DSCAM: variants seen among roughly 807,000 people sequenced by gnomAD.
DSCAM encodes the protein cell adhesion molecule DSCAM.
Under a neutral mutation model 217.7 loss-of-function variants are expected in DSCAM, and 47 were observed. The observed-to-expected ratio is 0.22, with a 90% CI of 0.17 to 0.28. The LOEUF (loss-of-function observed/expected upper bound fraction) is 0.28. DSCAM is among the 10% of genes least tolerant of loss of function. DSCAM has a pLI of 1.00. For missense variants in DSCAM, 2,080 were observed against 2,618.3 expected (o/e 0.79, Z 4.49); for synonymous variants, 1,056 against 1,015.3 (o/e 1.04, Z -0.76).
intron 3 of DSCAM, among the ~76,000 whole-genome samples, chr21:40,680,347 T>C (rs946328511): frequency 2.6e-5 from 4 of 152,128 alleles, no homozygotes; most frequent in Non-Finnish European, 5.9e-5. Flanking sequence ...GGCCTGAAAC[T>C]GCAGTTATGG....
At chr21:40,058,707 C>G (rs1055578594) in intron 28 of DSCAM, among the ~76,000 whole-genome samples, 2 of 152,174 alleles carry the variant, frequency 1.3e-5, no homozygotes, top group Non-Finnish European at 2.9e-5. Context: ...TCACTTTTGA[C>G]AATCTATTGT....
At chr21:40,485,147 A>T (rs1206102882) in intron 3 of DSCAM, among the ~76,000 whole-genome samples, 1 of 151,946 alleles carries the variant, frequency 6.6e-6, no homozygotes, top group Non-Finnish European at 1.5e-5. Context: ...CCTTGCTACT[A>T]AGCTCCCTGC....
intron 23 of DSCAM, 127 bp from the exon 24 acceptor site, chr21:40,084,133 T>C: frequency 1.5e-6 from 1 of 650,868 alleles, no homozygotes; most frequent in Non-Finnish European, 2.6e-6. Flanking sequence ...TGCCAAAATA[T>C]ACAATTCACT....
At chr21:40,518,201 A>G (rs1364519264) in intron 3 of DSCAM, among the ~76,000 whole-genome samples, 1 of 143,948 alleles carries the variant, frequency 6.9e-6, no homozygotes, top group East Asian at 2.1e-4. Flanking sequence ...ATTCCAATGG[A>G]CCCTTGAGTT....
At chr21:40,316,261 A>G (rs1438762145) in intron 8 of DSCAM, among the ~76,000 whole-genome samples, 1 of 152,210 alleles carries the variant, frequency 6.6e-6, no homozygotes, top group Admixed American at 6.5e-5. Flanking sequence ...GTAAGGACAC[A>G]TTAGGTCAGT....
intron 3 of DSCAM, among the ~76,000 whole-genome samples, chr21:40,616,972 C>G (rs1169297220): frequency 1.8e-4 from 25 of 142,466 alleles, no homozygotes; most frequent in Non-Finnish European, 3.1e-4. Context: ...AGCCGAGATC[C>G]CGCCACTGCA....
At chr21:40,290,106 A>T (rs911674918) in intron 10 of DSCAM, among the ~76,000 whole-genome samples, 1 of 152,196 alleles carries the variant, frequency 6.6e-6, no homozygotes. Flanking sequence ...GAGTTAAAAA[A>T]CCAGAGAGAA....
chr21:40,502,305 A>G (rs1338584685), intron 3 of DSCAM, among the ~76,000 whole-genome samples: 1 of 152,206 alleles, frequency 6.6e-6, no homozygotes, highest in Non-Finnish European at 1.5e-5. Context: ...CATTTAATAA[A>G]TTAATCAAGA....
intron 8 of DSCAM, among the ~76,000 whole-genome samples, chr21:40,315,276 C>T (rs867746779): frequency 6.6e-6 from 1 of 151,596 alleles, no homozygotes; most frequent in African/African-American, 2.4e-5. Flanking sequence ...TGGTGGCGTG[C>T]ACCTATAGTC....
chr21:40,579,840 G>T (rs1056853829), intron 3 of DSCAM, among the ~76,000 whole-genome samples: 4 of 151,048 alleles, frequency 2.6e-5, no homozygotes, highest in Non-Finnish European at 4.4e-5. Context: ...AAAAAAAAGT[G>T]AAGATTTTTC....
chr21:40,368,403 A>C (rs1243935224), intron 4 of DSCAM, among the ~76,000 whole-genome samples: 1 of 152,230 alleles, frequency 6.6e-6, no homozygotes, highest in Non-Finnish European at 1.5e-5. Context: ...GAACAGATAA[A>C]GAAACAAAAA....
At chr21:40,704,579 G>T (rs1393441663) in intron 2 of DSCAM, among the ~76,000 whole-genome samples, 2 of 151,956 alleles carry the variant, frequency 1.3e-5, no homozygotes, top group African/African-American at 4.8e-5. Flanking sequence ...GAATTAGCCA[G>T]GTGTGGTGAC....
At chr21:40,275,170 T>TA (rs67678625) in intron 11 of DSCAM, among the ~76,000 whole-genome samples, 1,456 of 120,994 alleles carry the variant, frequency 0.012, 12 homozygotes, top group African/African-American at 0.014. Context: ...TATAAAAAAT[T>TA]AAAAAAAAAA....
chr21:40,740,722 G>C (rs533667567), intron 1 of DSCAM, among the ~76,000 whole-genome samples: 2 of 152,174 alleles, frequency 1.3e-5, no homozygotes, highest in Admixed American at 1.3e-4. Flanking sequence ...ACACACTGGG[G>C]CTGAGAGGAG....
intron 24 of DSCAM, among the ~76,000 whole-genome samples, chr21:40,080,728 T>C (rs1192979245): frequency 6.6e-6 from 1 of 152,148 alleles, no homozygotes; most frequent in Non-Finnish European, 1.5e-5. Flanking sequence ...CTCGAATCTC[T>C]GGGAAAGGGA....
intron 3 of DSCAM, among the ~76,000 whole-genome samples, chr21:40,688,941 T>TAAC (rs1238207869): frequency 6.6e-6 from 1 of 152,202 alleles, no homozygotes; most frequent in African/African-American, 2.4e-5. Flanking sequence ...TGAAGAGGCA[T>TAAC]AACTTGATTC....
chr21:40,646,003 G>A (rs954563056), intron 3 of DSCAM, among the ~76,000 whole-genome samples: 33 of 152,202 alleles, frequency 2.2e-4, no homozygotes, highest in African/African-American at 7.5e-4. Flanking sequence ...AAAAGATACC[G>A]TTCTTGGAGG....
chr21:40,018,938 C>T (rs1275123941), intron 32 of DSCAM, among the ~76,000 whole-genome samples: 3 of 152,202 alleles, frequency 2.0e-5, no homozygotes, highest in Non-Finnish European at 4.4e-5. Context: ...CTCTAATTAG[C>T]TCCCTTCAAC....
intron 3 of DSCAM, among the ~76,000 whole-genome samples, chr21:40,506,237 A>G (rs2076209632): frequency 6.6e-6 from 1 of 152,240 alleles, no homozygotes; most frequent in Non-Finnish European, 1.5e-5. Context: ...AGGGGACAGT[A>G]ATGACACTCA....
Sources: allele counts gnomAD v4.1 joint callset (sites outside exome capture counted in the v4.1 genomes callset), GRCh38; gene constraint gnomAD v4.1.1; transcripts MANE v1.5; gene names NCBI Gene and HGNC (gene_info 2026-07-23, HGNC 2026-07-21).